The following TTC3 variants were observed in gnomAD, a reference collection of about 807,000 sequenced individuals.
TTC3 encodes the protein E3 ubiquitin-protein ligase TTC3.
TTC3 carries 180 observed loss-of-function variants against 249.6 expected under a neutral mutation model. The ratio of observed to expected loss-of-function variants is 0.72; its 90% CI spans 0.64 to 0.82. The LOEUF (loss-of-function observed/expected upper bound fraction) is 0.82, where lower values mean the gene tolerates loss of function less well. Ranked by LOEUF, TTC3 falls within the 40% of genes least tolerant of loss-of-function variation. TTC3 has a pLI of 0.00. For missense variants in TTC3, 2,061 were observed against 2,398.4 expected (o/e 0.86, Z 2.94); for synonymous variants, 717 against 805.0 (o/e 0.89, Z 1.85).
At chr21:37,095,163 G>GTGTGTGTGTGTGTA (rs1491184400) in intron 8 of TTC3, among the ~76,000 whole-genome samples, 187 bp from the exon 9 acceptor site, 1 of 150,694 alleles carries the variant, frequency 6.6e-6, no homozygotes, top group Non-Finnish European at 1.5e-5. Context: ...GTGTGTGTGT[G>GTGTGTGTGTGTGTA]TATAGTGGGT....
chr21:37,075,473 C>T (rs2070724945), intron 1 of TTC3, among the ~76,000 whole-genome samples: 1 of 152,226 alleles, frequency 6.6e-6, no homozygotes, highest in African/African-American at 2.4e-5. Context: ...TTCAATTTAA[C>T]CAAGTATCAC....
chr21:37,152,391 TG>T (rs1555894619), intron 26 of TTC3, among the ~76,000 whole-genome samples: 5 of 137,380 alleles, frequency 3.6e-5, no homozygotes, highest in South Asian at 2.4e-4. Context: ...TTTTTTTTTT[TG>T]TTTTTTTTTT....
intron 10 of TTC3, 63 bp from the exon 11 acceptor site, chr21:37,108,329 G>T: frequency 7.3e-7 from 1 of 1,376,802 alleles, no homozygotes; most frequent in Non-Finnish European, 1.0e-6. Context: ...GTACACATAT[G>T]CAAGATATAA....
intron 10 of TTC3, chr21:37,098,177 A>G (rs1476310292): frequency 2.7e-5 from 10 of 376,036 alleles, no homozygotes; most frequent in Non-Finnish European, 2.9e-5. Flanking sequence ...GCTACTGGCT[A>G]GGTCCAGAAT....
At chr21:37,095,414 T>C in exon 9 of TTC3, 1 of 1,606,532 alleles carries the variant, frequency 6.2e-7, no homozygotes, top group Non-Finnish European at 8.5e-7. Context: ...GATATAGCTA[T>C]TATCTATTAC....
intron 38 of TTC3, 103 bp downstream of exon 38, chr21:37,187,248 C>A: frequency 3.7e-6 from 3 of 819,806 alleles, no homozygotes; most frequent in Non-Finnish European, 5.7e-6. Flanking sequence ...AAGTGTGGTG[C>A]ATAAAGGATA....
intron 35 of TTC3, among the ~76,000 whole-genome samples, chr21:37,181,771 A>G (rs750580637): frequency 4.6e-5 from 7 of 152,190 alleles, no homozygotes; most frequent in Non-Finnish European, 8.8e-5. Context: ...TCTTAAGTTG[A>G]TAGAGCTTTT....
At chr21:37,119,389 C>G (rs544042957) in intron 11 of TTC3, among the ~76,000 whole-genome samples, 1 of 152,170 alleles carries the variant, frequency 6.6e-6, no homozygotes, top group Non-Finnish European at 1.5e-5. Context: ...GTTTCCGTTC[C>G]GGCTCTTGTT....
At chr21:37,159,179 G>A (rs981373154) in intron 28 of TTC3, among the ~76,000 whole-genome samples, 4 of 152,042 alleles carry the variant, frequency 2.6e-5, no homozygotes, top group Admixed American at 1.3e-4. Flanking sequence ...CTTCACTCAC[G>A]TAGTTCCCCC....
Position 37,195,960 on chromosome 21 carries a change from C to T in TTC3, c.5503C>T (p.Arg1835Cys), listed in dbSNP as rs745911608. 11 of 1,614,052 alleles carry T rather than the reference C, an allele frequency of 6.8e-6. No homozygotes were observed. Among genetic ancestry groups the T allele is most frequent in the Middle Eastern group, 1.6e-4 (1 of 6,078 alleles). Reference sequence around the variant, plus strand: ...GCCTGTTCCTCCAGGACGTGCTGCGCGTTCAAGCCAGTCTCCAAAAAAGCC... The same window carrying T: ...GCCTGTTCCTCCAGGACGTGCTGCGTGTTCAAGCCAGTCTCCAAAAAAGCC... Residue 1835 changes from arginine (R) to cysteine (C), a missense_variant, in exon 42 of 46, where the codon CGT becomes TGT. By Grantham distance (180) the Arg-to-Cys change is radical. Transcript: ENST00000355666.
chr21:37,081,190 T>C (rs1474548020), intron 1 of TTC3, among the ~76,000 whole-genome samples: 1 of 138,358 alleles, frequency 7.2e-6, no homozygotes, highest in East Asian at 2.3e-4. Flanking sequence ...CCATCTTGGC[T>C]CATTGCAACC....
chr21:37,124,576 A>G (rs1273073315), intron 13 of TTC3, 43 bp from the exon 14 acceptor site: 1 of 1,594,712 alleles, frequency 6.3e-7, no homozygotes, highest in Non-Finnish European at 8.5e-7. Context: ...TCAAAGGATA[A>G]CTTTCAAAAA....
chr21:37,083,070 G>A, intron 1 of TTC3: 2 of 985,442 alleles, frequency 2.0e-6, no homozygotes, highest in Non-Finnish European at 2.4e-6. Flanking sequence ...GAAAACTGCT[G>A]TCAGAGACAT....
At chr21:37,184,931 G>A (rs145996969) in intron 36 of TTC3, among the ~76,000 whole-genome samples, 204 of 152,200 alleles carry the variant, frequency 1.3e-3, no homozygotes, top group African/African-American at 4.2e-3. Flanking sequence ...CTTAGTATTC[G>A]TTAAGAAATG....
At chr21:37,095,396 A>G in exon 9 of TTC3, 13 of 1,608,984 alleles carry the variant, frequency 8.1e-6, no homozygotes, top group Non-Finnish European at 1.1e-5. Flanking sequence ...TTTTCCAAAG[A>G]AAGATTTGAT....
Position 37,197,793 on chromosome 21 carries a change from A to T in TTC3, c.5707-89A>T, listed in dbSNP as rs2085081562. On this transcript the variant is annotated intron_variant, in intron 43 of 45. Transcript: ENST00000355666. Reference sequence around the variant, plus strand: ...AGCTTCAAACCAAAACCTAGAGAGCAATGTACTAAAGACAGAAGATGGTCA... The same window carrying T: ...AGCTTCAAACCAAAACCTAGAGAGCTATGTACTAAAGACAGAAGATGGTCA... 3 of 1,548,680 alleles carry T rather than the reference A, an allele frequency of 1.9e-6. No individual in the cohort carries two copies. In the East Asian group the frequency reaches 6.8e-5, roughly 35 times the overall value.
intron 12 of TTC3, 82 bp from the exon 13 acceptor site, chr21:37,122,901 T>A: frequency 1.5e-6 from 2 of 1,360,062 alleles, no homozygotes; most frequent in Non-Finnish European, 2.0e-6. Flanking sequence ...ACTATCAGCT[T>A]AAAGTAAATT....
intron 41 of TTC3, chr21:37,193,977 T>C (rs908595054): frequency 6.6e-6 from 1 of 152,206 alleles, no homozygotes; most frequent in Non-Finnish European, 1.5e-5. Context: ...GGGGTGTGTT[T>C]GGACGGTTAG....
chr21:37,162,611 A>G (rs2080863616), intron 31 of TTC3, among the ~76,000 whole-genome samples: 1 of 152,158 alleles, frequency 6.6e-6, no homozygotes, highest in East Asian at 1.9e-4. Context: ...AAAAATGTAC[A>G]ACATGGTTTT....
Sources: gnomAD v4.1 joint callset for allele counts (sites outside exome capture counted in the v4.1 genomes callset) on GRCh38, gnomAD v4.1.1 for gene constraint, MANE v1.5 for transcripts, NCBI Gene and HGNC (gene_info 2026-07-23, HGNC 2026-07-21) for gene names.